Variants in DENND4C observed in about 807,000 individuals in gnomAD.
DENND4C encodes DENN domain containing 4C.
In DENND4C, 108 loss-of-function variants were observed where a neutral mutation model predicts 203.0. The observed-to-expected ratio is 0.53, with a 90% CI of 0.46 to 0.62. The LOEUF (loss-of-function observed/expected upper bound fraction) is 0.62, where lower values mean the gene tolerates loss of function less well. DENND4C is among the 20% of genes least tolerant of loss of function. The pLI is 0.00. For synonymous variants in DENND4C, 871 were observed against 792.4 expected, an observed-to-expected ratio of 1.10 and a Z score of -1.67; for missense variants, 2,481 against 2,301.2, an observed-to-expected ratio of 1.08 and a Z score of -1.60.
intron 1 of DENND4C, among the ~76,000 whole-genome samples, chr9:19,235,389 A>C (rs879537887): frequency 2.6e-5 from 4 of 152,270 alleles, no homozygotes; most frequent in Non-Finnish European, 2.9e-5. Flanking sequence ...TATCACTTGC[A>C]TTCATTGAGT....
rs147844702 is a variant in DENND4C, at chr9:19,283,310, C to A, written c.306-3459C>A. ...ACTGGAAGGTCTTCAGGGCAGTAAC[C>A]CACATAGAGCTGTCTTCTATGATAA... On this transcript the variant is annotated intron_variant, in intron 2 of 32. Coordinates refer to ENST00000434457, the MANE Select transcript of DENND4C (RefSeq NM_001330640.2). 9.5e-4 allele frequency among the ~76,000 whole-genome samples: 144 copies of A among 152,214 alleles called. 1 individual carries two copies. The highest frequency in any genetic ancestry group is 3.2e-3 in the African/African-American group (132 of 41,536).
Position 19,328,432 on chromosome 9 carries a change from G to A in DENND4C, c.2253+270G>A, listed in dbSNP as rs151112581. On this transcript the variant is annotated intron_variant, in intron 16 of 32. Coordinates refer to ENST00000434457, the MANE Select transcript of DENND4C (RefSeq NM_001330640.2). Reference sequence around the variant, plus strand: ...GTTAGAGACCAGCCTGGCCAACATGGTGAAACCCCATCTCCATTAAAAATA... The same window carrying A: ...GTTAGAGACCAGCCTGGCCAACATGATGAAACCCCATCTCCATTAAAAATA... Among the ~76,000 whole-genome samples the A allele has an allele frequency of 1.3e-3, 205 of 152,174 alleles. 3 individuals carry two copies. Among genetic ancestry groups the A allele is most frequent in the Middle Eastern group, 6.8e-3 (2 of 294 alleles).
At chr9:19,348,392 G>GA (rs1430863086) in intron 23 of DENND4C, among the ~76,000 whole-genome samples, 1 of 152,060 alleles carries the variant, frequency 6.6e-6, no homozygotes, top group Non-Finnish European at 1.5e-5. Flanking sequence ...GGGCTATCCA[G>GA]AAAAAAAGCA....
At chr9:19,250,270 C>T (rs895977350) in intron 1 of DENND4C, among the ~76,000 whole-genome samples, 2 of 152,070 alleles carry the variant, frequency 1.3e-5, no homozygotes, top group African/African-American at 4.8e-5. Flanking sequence ...TGGTGAAACC[C>T]CCATCTCTAC....
intron 5 of DENND4C, chr9:19,292,197 AT>A (rs11351680): frequency 0.076 from 10,935 of 143,704 alleles, 1,235 homozygotes; most frequent in African/African-American, 0.25. Flanking sequence ...CTAATTTTGT[AT>A]TTTTTTTTTT....
At chr9:19,263,848 C>T (rs573455383) in intron 1 of DENND4C, among the ~76,000 whole-genome samples, 2 of 150,624 alleles carry the variant, frequency 1.3e-5, no homozygotes, top group East Asian at 3.9e-4. Context: ...TTGGTAGAGA[C>T]AGGATTTCAC....
At chr9:19,364,630 C>T (rs113034884) in intron 30 of DENND4C, among the ~76,000 whole-genome samples, 2,097 of 151,874 alleles carry the variant, frequency 0.014, 70 homozygotes, top group Admixed American at 0.074. Flanking sequence ...CGATGGCTCA[C>T]GCCTGTAATC....
chr9:19,284,077 A>C (rs73429061), intron 2 of DENND4C, among the ~76,000 whole-genome samples: 6,033 of 152,304 alleles, frequency 0.04, 395 homozygotes, highest in African/African-American at 0.14. Context: ...CCTAGATGAT[A>C]GACTGTAGAA....
chr9:19,233,332 G>A (rs1162445169), intron 1 of DENND4C, among the ~76,000 whole-genome samples: 1 of 152,106 alleles, frequency 6.6e-6, no homozygotes, highest in Non-Finnish European at 1.5e-5. Flanking sequence ...TTGTTGGAAT[G>A]GGAAATTCCT....
chr9:19,305,836 G>A (rs1839544741), intron 10 of DENND4C, among the ~76,000 whole-genome samples: 1 of 152,218 alleles, frequency 6.6e-6, no homozygotes, highest in Non-Finnish European at 1.5e-5. Flanking sequence ...CAGAGCTCAA[G>A]AGATGATATG....
In DENND4C at chr9:19,316,395, G is replaced by T. The variant is rs773699108; in HGVS notation, c.1488-22G>T. ...GCAGATTATGAATAACACATTTTAT[G>T]AATTTTGTTCTGATTTAATAGATCA... On this transcript the variant is annotated intron_variant, in intron 10 of 32. Coordinates refer to ENST00000434457, the MANE Select transcript of DENND4C (RefSeq NM_001330640.2). 6 of 1,579,796 alleles carry T rather than the reference G, an allele frequency of 3.8e-6. No individual in the cohort carries two copies. In the South Asian group the frequency reaches 5.8e-5, roughly 15 times the overall value.
intron 10 of DENND4C, among the ~76,000 whole-genome samples, chr9:19,312,724 T>C (rs1232349503): frequency 1.3e-5 from 2 of 152,192 alleles, no homozygotes; most frequent in African/African-American, 4.8e-5. Flanking sequence ...TTTATGTACT[T>C]AATTAAGGCT....
intron 2 of DENND4C, among the ~76,000 whole-genome samples, chr9:19,281,783 T>C (rs1834094872): frequency 6.6e-6 from 1 of 152,214 alleles, no homozygotes; most frequent in African/African-American, 2.4e-5. Flanking sequence ...GCTTACTACA[T>C]ATACAACTAT....
chr9:19,248,878 G>T (rs556450694), intron 1 of DENND4C, among the ~76,000 whole-genome samples: 1 of 150,298 alleles, frequency 6.7e-6, no homozygotes, highest in South Asian at 2.1e-4. Context: ...GCTCACTGCA[G>T]CCTCCGCCTC....
At chr9:19,331,934 T>G in intron 16 of DENND4C, 44 bp from the exon 17 acceptor site, 1 of 1,525,492 alleles carries the variant, frequency 6.6e-7, no homozygotes, top group South Asian at 1.2e-5. Flanking sequence ...CCCCTCACCC[T>G]AATGAATTTT....
Position 19,352,105 on chromosome 9 carries a change from C to G in DENND4C, c.4528C>G (p.Gln1510Glu). The G allele has an allele frequency of 6.2e-7, 1 of 1,613,778 alleles. No homozygotes were observed. The highest frequency in any genetic ancestry group is 8.5e-7 in the Non-Finnish European group (1 of 1,179,868). The change falls in exon 25 of 33, where the codon CAA becomes GAA. Residue 1510 changes from glutamine (Q) to glutamate (E), a missense_variant. Gln to Glu is a conservative substitution (Grantham distance 29, BLOSUM62 2). Coordinates refer to ENST00000434457, the MANE Select transcript of DENND4C (RefSeq NM_001330640.2). ...TCCATTTCCAAGAGGCATGAAAGGG[C>G]AAGACTTTGAAAAATCAGATCATGG... Reference protein sequence around the residue: ...EVPFPRGMKGQDFEKSDHGSS... With the variant: ...EVPFPRGMKGEDFEKSDHGSS...
intron 1 of DENND4C, among the ~76,000 whole-genome samples, chr9:19,237,764 C>G (rs553591584): frequency 6.6e-6 from 1 of 152,112 alleles, no homozygotes; most frequent in East Asian, 1.9e-4. Flanking sequence ...TAGATTAATG[C>G]TATCCTCTAG....
At chr9:19,355,132 G>A (rs757522852) in intron 26 of DENND4C, among the ~76,000 whole-genome samples, 18 of 150,998 alleles carry the variant, frequency 1.2e-4, no homozygotes, top group Non-Finnish European at 2.1e-4. Context: ...GGATGGTCTC[G>A]ATCTCATGAC....
At chr9:19,293,329 C>G (rs1040435993) in intron 5 of DENND4C, among the ~76,000 whole-genome samples, 1 of 152,046 alleles carries the variant, frequency 6.6e-6, no homozygotes, top group Non-Finnish European at 1.5e-5. Context: ...ACTTTGAGAT[C>G]ACTTTGAAAT....
Sources: allele counts gnomAD v4.1 joint callset (sites outside exome capture counted in the v4.1 genomes callset), GRCh38; gene constraint gnomAD v4.1.1; transcripts MANE v1.5; gene names NCBI Gene and HGNC (gene_info 2026-07-23, HGNC 2026-07-21).